Variants in KCNIP2 observed in about 807,000 individuals in gnomAD.
KCNIP2 encodes potassium voltage-gated channel interacting protein 2, also known as A-type potassium channel modulatory protein KCNIP2.
Under a neutral mutation model 39.0 loss-of-function variants are expected in KCNIP2, and 19 were observed. That is an observed-to-expected ratio of 0.49 (90% CI 0.34 to 0.71). The LOEUF (loss-of-function observed/expected upper bound fraction) is 0.71, where lower values mean the gene tolerates loss of function less well. Ranked by LOEUF, KCNIP2 falls within the 30% of genes least tolerant of loss-of-function variation. The pLI is 0.01. For missense variants in KCNIP2, 261 were observed against 346.0 expected (o/e 0.75, Z 1.95); for synonymous variants, 111 against 131.2 (o/e 0.85, Z 1.05).
intron 1 of KCNIP2, among the ~76,000 whole-genome samples, chr10:101,837,675 AATAATG>A (rs1211187322): frequency 1.3e-5 from 2 of 152,140 alleles, no homozygotes; most frequent in Non-Finnish European, 2.9e-5. Flanking sequence ...CAATAATAAT[AATAATG>A]ATAATAATAA....
At position 101,838,889 on chromosome 10, in the gene KCNIP2, C is replaced by T. The variant is rs761135077; in HGVS notation, c.73+4607G>A. ...GAGGTCAGGTACAGAGGAGACGTTG[C>T]GTTCTATGGGCCCTGCCCAAGCAGT... On this transcript the variant is annotated intron_variant, in intron 1 of 9. Coordinates refer to ENST00000356640, the MANE Select transcript of KCNIP2 (RefSeq NM_173191.3). This position sits in a 1 kb window ranked among gnomAD's most constrained non-coding sequence, Gnocchi z 4.0. Among the ~76,000 whole-genome samples the T allele has an allele frequency of 1.6e-4, 24 of 152,186 alleles. No individual in the cohort carries two copies. The highest frequency in any genetic ancestry group is 3.2e-4 in the Non-Finnish European group (22 of 68,030).
At chr10:101,834,648 G>A (rs1043708952) in intron 1 of KCNIP2, among the ~76,000 whole-genome samples, 13 of 152,182 alleles carry the variant, frequency 8.5e-5, no homozygotes, top group African/African-American at 3.1e-4. Context: ...CCAGAGGGAG[G>A]GAGCAGTGAC....
At position 101,833,881 on chromosome 10, in the gene KCNIP2, C is replaced by T. The variant is rs150901688; in HGVS notation, c.74-2714G>A. On this transcript the variant is annotated intron_variant, in intron 1 of 9. Transcript: ENST00000356640. ...CTCCAAAAAGGACCCCCCAGAAATCCGTTGTTATCTCAGGATCCCTAGAAC... is the reference window on the plus strand; with the variant it reads ...CTCCAAAAAGGACCCCCCAGAAATCTGTTGTTATCTCAGGATCCCTAGAAC... 1.4e-4 allele frequency among the ~76,000 whole-genome samples: 22 copies of T among 152,146 alleles called. No homozygotes were observed. The East Asian group carries it at 3.7e-3, about 25-fold the overall frequency.
Position 101,828,061 on chromosome 10 carries a change from G to A in KCNIP2, c.598-68C>T. ...AGCCTCCCTTGATCCCTTGCTTGTG[G>A]GCATATGTGGGTCATATTTCCCTCC... On this transcript the variant is annotated intron_variant, in intron 7 of 9. Transcript: ENST00000356640. This position sits in a 1 kb window ranked among gnomAD's most constrained non-coding sequence, Gnocchi z 6.6. 6.5e-7 allele frequency: 1 copy of A among 1,540,594 alleles called. No homozygotes were observed. The highest frequency in any genetic ancestry group is 9.0e-7 in the Non-Finnish European group (1 of 1,113,198).
chr10:101,829,932 G>A, intron 2 of KCNIP2, 35 bp from the exon 3 acceptor site: 1 of 1,542,552 alleles, frequency 6.5e-7, no homozygotes. Flanking sequence ...GAAAGCGGAA[G>A]ACCCGGCCAA....
rs374578874 is a variant in KCNIP2 at position 101,829,079 on chromosome 10, T to A, written c.344A>T (p.Lys115Met). 1.9e-6 allele frequency: 3 copies of A among 1,613,908 alleles called. No homozygotes were observed. Among genetic ancestry groups the A allele is most frequent in the Non-Finnish European group, 2.5e-6 (3 of 1,179,820 alleles). ...TTGGCCTCGCCTTGCACTCACGTTC[T>A]TGAAGCCCCGGTACAGGACCTGCAA... ...KELQVLYRGF[K>M]NECPSGIVNE... The change falls in exon 4 of 10, where the codon AAG (lysine) becomes ATG (methionine). Residue 115 changes from lysine (K) to methionine (M), a missense_variant. By Grantham distance (95) the Lys-to-Met change is moderately conservative. Transcript: ENST00000356640.
chr10:101,828,374 C>T lies in KCNIP2; in HGVS notation c.489+15G>A, dbSNP rs368800810. On this transcript the variant is annotated intron_variant, in intron 6 of 9. Coordinates refer to ENST00000356640, the MANE Select transcript of KCNIP2 (RefSeq NM_173191.3). The surrounding 1 kb of genome is among the most constrained non-coding windows in gnomAD (Gnocchi z 6.6). Reference sequence around the variant, plus strand: ...CCAGGAAACAGGCTTCCCTGGCCCACCTCGCCCAGCTCACCTCAAAACTGA... The same window carrying T: ...CCAGGAAACAGGCTTCCCTGGCCCATCTCGCCCAGCTCACCTCAAAACTGA... 14 of 1,614,004 alleles carry T rather than the reference C, an allele frequency of 8.7e-6. No individual in the cohort carries two copies. The African/African-American group carries it at 1.3e-4, about 15-fold the overall frequency.
intron 1 of KCNIP2, among the ~76,000 whole-genome samples, chr10:101,840,233 A>C (rs1196989245): frequency 7.8e-5 from 10 of 127,496 alleles, no homozygotes; most frequent in South Asian, 5.0e-4. Flanking sequence ...CGCCTGTCGC[A>C]CTCCTCCCCG....
At chr10:101,841,381 G>A (rs530409890) in intron 1 of KCNIP2, among the ~76,000 whole-genome samples, 1 of 152,296 alleles carries the variant, frequency 6.6e-6, no homozygotes, top group Non-Finnish European at 1.5e-5. Flanking sequence ...ATCTCTCAGC[G>A]CTCAGAGCTC....
intron 1 of KCNIP2, among the ~76,000 whole-genome samples, chr10:101,842,758 G>A (rs2066369779): frequency 6.6e-6 from 1 of 152,190 alleles, no homozygotes; most frequent in Admixed American, 6.5e-5. Flanking sequence ...CAGGAAGCCA[G>A]AGAGGCAGCA....
At chr10:101,829,028 GTCC>G in intron 4 of KCNIP2, 44 bp downstream of exon 4, 1 of 1,596,598 alleles carries the variant, frequency 6.3e-7, no homozygotes, top group Non-Finnish European at 8.6e-7. Flanking sequence ...ACCGGCTTGG[GTCC>G]TCCTGTCCCA....
intron 1 of KCNIP2, among the ~76,000 whole-genome samples, chr10:101,837,588 C>A (rs1024280457): frequency 6.6e-6 from 1 of 152,130 alleles, no homozygotes; most frequent in African/African-American, 2.4e-5. Context: ...ATTGCTTGAA[C>A]CTGGGAGGCG....
intron 1 of KCNIP2, among the ~76,000 whole-genome samples, chr10:101,833,867 A>G (rs1443150617): frequency 6.6e-6 from 1 of 151,238 alleles, no homozygotes; most frequent in Non-Finnish European, 1.5e-5. Context: ...TCCAAAAAGG[A>G]CCCCCCAGAA....
rs896186892 is a variant in KCNIP2 at position 101,838,391 on chromosome 10, T to C, written c.73+5105A>G. 6.6e-6 allele frequency among the ~76,000 whole-genome samples: 1 copy of C among 152,122 alleles called. No homozygotes were observed. The highest frequency in any genetic ancestry group is 1.5e-5 in the Non-Finnish European group (1 of 68,020). On this transcript the variant is annotated intron_variant, in intron 1 of 9. Coordinates refer to ENST00000356640, the MANE Select transcript of KCNIP2 (RefSeq NM_173191.3). This position sits in a 1 kb window ranked among gnomAD's most constrained non-coding sequence, Gnocchi z 4.0. ...TGGGGGAACCCACTCTATGCAACTG[T>C]CCCACCTTCCCCAGTTTAGCTTTGT...
At chr10:101,840,027 T>C (rs1444180478) in intron 1 of KCNIP2, among the ~76,000 whole-genome samples, 1 of 119,802 alleles carries the variant, frequency 8.3e-6, no homozygotes, top group Admixed American at 9.8e-5. Context: ...GGCCCCATCA[T>C]GTGAAGCAGC....
Position 101,843,578 on chromosome 10 carries a change from C to T in KCNIP2, c.-10G>A, listed in dbSNP as rs767637558. 5 of 1,509,640 alleles carry T rather than the reference C, an allele frequency of 3.3e-6. No individual in the cohort carries two copies. In the African/African-American group the frequency reaches 7.2e-5, roughly 22 times the overall value. 93.5% of individuals were successfully genotyped at this position (1,509,640 alleles called of 1,614,324 possible). ...GGCCCTGGCCCCGCATGGCCCCCGG[C>T]GCCCCGCTCCCGCCCGGGCCGTGGG... On this transcript the variant is annotated 5_prime_UTR_variant, in exon 1 of 10. Transcript: ENST00000356640. This position sits in a 1 kb window ranked among gnomAD's most constrained non-coding sequence, Gnocchi z 6.7.
intron 1 of KCNIP2, among the ~76,000 whole-genome samples, chr10:101,841,118 C>T (rs1351593846): frequency 2.6e-5 from 4 of 152,156 alleles, no homozygotes; most frequent in African/African-American, 9.7e-5. Flanking sequence ...TTTTGTTTTC[C>T]TAAAGAGTCT....
chr10:101,828,151 C>T lies in KCNIP2; in HGVS notation c.597G>A (p.Glu199=). The change falls in exon 7 of 10, where the codon GAG becomes GAA. Residue 199 remains glutamate (E), a splice_region_variant and synonymous_variant. Transcript: ENST00000356640. This position sits in a 1 kb window ranked among gnomAD's most constrained non-coding sequence, Gnocchi z 6.6. ...DLNKDGCITK[E]EMLDIMKSIY... ...CCCCAGCCCTTCAGTTGCCCTGCACCTCCTTGGTGATGCAGCCGTCCTTGT... is the reference window on the plus strand; with the variant it reads ...CCCCAGCCCTTCAGTTGCCCTGCACTTCCTTGGTGATGCAGCCGTCCTTGT... The T allele has an allele frequency of 6.2e-7, 1 of 1,613,676 alleles. No individual in the cohort carries two copies. The highest frequency in any genetic ancestry group is 8.5e-7 in the Non-Finnish European group (1 of 1,179,578).
At chr10:101,833,020 TGGAG>T (rs1468057722) in intron 1 of KCNIP2, among the ~76,000 whole-genome samples, 1 of 148,990 alleles carries the variant, frequency 6.7e-6, no homozygotes, top group African/African-American at 2.5e-5. Flanking sequence ...CAGCAGAGGA[TGGAG>T]GGTGAGCTAG....
Sources: gnomAD v4.1 joint callset for allele counts (sites outside exome capture counted in the v4.1 genomes callset) on GRCh38, gnomAD v4.1.1 for gene constraint, Gnocchi (gnomAD v3.1) non-coding constraint, MANE v1.5 for transcripts, NCBI Gene and HGNC (gene_info 2026-07-23, HGNC 2026-07-21) for gene names.